SDK2: variants seen among roughly 807,000 people sequenced by gnomAD.
SDK2 encodes the protein protein sidekick-2.
Under a neutral mutation model 253.9 loss-of-function variants are expected in SDK2, and 105 were observed. The ratio of observed to expected loss-of-function variants is 0.41; its 90% CI spans 0.35 to 0.49. The LOEUF is 0.49. SDK2 is among the 20% of genes least tolerant of loss of function. The pLI is 0.06. For synonymous variants in SDK2, 1,249 were observed against 1,234.9 expected, an observed-to-expected ratio of 1.01 and a Z score of -0.24; for missense variants, 2,608 against 3,003.0, an observed-to-expected ratio of 0.87 and a Z score of 3.07.
At chr17:73,358,791 G>A (rs1418698522) in intron 39 of SDK2, among the ~76,000 whole-genome samples, 5 of 152,116 alleles carry the variant, frequency 3.3e-5, no homozygotes, top group Admixed American at 6.5e-5. Context: ...TAGACAAGGG[G>A]AGAGGGGGTT....
intron 1 of SDK2, among the ~76,000 whole-genome samples, chr17:73,627,106 A>AGT (rs1226375493): frequency 6.6e-6 from 1 of 152,168 alleles, no homozygotes; most frequent in Admixed American, 6.5e-5. Context: ...AGTTGCTAGG[A>AGT]TGGTCACCTC....
At chr17:73,605,449 G>C (rs1382318720) in intron 1 of SDK2, among the ~76,000 whole-genome samples, 1 of 152,144 alleles carries the variant, frequency 6.6e-6, no homozygotes, top group African/African-American at 2.4e-5. Context: ...TGGAATCCCG[G>C]AGATTCTCAC....
intron 40 of SDK2, among the ~76,000 whole-genome samples, chr17:73,355,174 A>ATATATT: frequency 2.1e-5 from 1 of 47,224 alleles, no homozygotes; most frequent in Non-Finnish European, 3.4e-5. Context: ...ATATATATAT[A>ATATATT]TTTTTTTTTT....
intron 1 of SDK2, among the ~76,000 whole-genome samples, chr17:73,569,814 C>T (rs545509374): frequency 2.6e-5 from 4 of 152,196 alleles, no homozygotes; most frequent in East Asian, 1.9e-4. Context: ...GTCCTCAGAA[C>T]GGAGCTCCGA....
chr17:73,507,520 A>G lies in SDK2; in HGVS notation c.142T>C (p.Cys48Arg). The change falls in exon 2 of 45, where the codon TGC becomes CGC. Residue 48 changes from cysteine (C) to arginine (R), a missense_variant. Physicochemically the swap from Cys to Arg is radical, Grantham distance 180. This residue lies in a region of SDK2 where 1,505 missense variants were observed against 1,859.1 expected (regional missense o/e 0.81). Transcript: ENST00000392650. ...AGTGGCCAGCTGCCCTCGGCCATGC[A>G]TGTAAGCACCAGGCGGTTTCCTTCC... ...HLEGNRLVLT[C>R]MAEGSWPLEF... 1 of 1,551,670 alleles carries G rather than the reference A, an allele frequency of 6.4e-7. No individual in the cohort carries two copies. Among genetic ancestry groups the G allele is most frequent in the Non-Finnish European group, 8.7e-7 (1 of 1,146,978 alleles).
At chr17:73,631,686 T>C (rs1022596299) in intron 1 of SDK2, among the ~76,000 whole-genome samples, 1 of 152,186 alleles carries the variant, frequency 6.6e-6, no homozygotes, top group African/African-American at 2.4e-5. Flanking sequence ...TCAAGAACAT[T>C]TCCTTAGTGA....
chr17:73,548,898 T>G (rs1246602580), intron 1 of SDK2, among the ~76,000 whole-genome samples: 2 of 152,160 alleles, frequency 1.3e-5, no homozygotes, highest in South Asian at 4.1e-4. Flanking sequence ...CCCCAGTTAC[T>G]CTCTCAGACA....
At chr17:73,640,126 T>G (rs956541509) in intron 1 of SDK2, among the ~76,000 whole-genome samples, 1 of 152,270 alleles carries the variant, frequency 6.6e-6, no homozygotes, top group East Asian at 1.9e-4. Flanking sequence ...TGTAAAGAAT[T>G]TGGCCTCCTT....
At chr17:73,498,446 C>T (rs185202124) in intron 2 of SDK2, among the ~76,000 whole-genome samples, 71 of 152,318 alleles carry the variant, frequency 4.7e-4, no homozygotes, top group Admixed American at 4.1e-3. Context: ...GCAGGGCAGG[C>T]GGGGCTGGCA....
intron 1 of SDK2, among the ~76,000 whole-genome samples, chr17:73,546,036 G>A (rs1305642272): frequency 6.6e-6 from 1 of 152,140 alleles, no homozygotes; most frequent in Non-Finnish European, 1.5e-5. Context: ...AGATGGGACT[G>A]GGGAGGGGCT....
chr17:73,370,419 T>G (rs961639800), intron 36 of SDK2, among the ~76,000 whole-genome samples: 2 of 151,992 alleles, frequency 1.3e-5, no homozygotes, highest in Non-Finnish European at 2.9e-5. Context: ...AGTTTTTAAT[T>G]TTTTGTAGAG....
intron 2 of SDK2, among the ~76,000 whole-genome samples, chr17:73,488,843 C>A (rs1485349065): frequency 6.6e-6 from 1 of 152,088 alleles, no homozygotes; most frequent in Non-Finnish European, 1.5e-5. Context: ...TTGCTGCCCC[C>A]ACTCCATTTC....
chr17:73,607,756 A>T (rs1413489030), intron 1 of SDK2, among the ~76,000 whole-genome samples: 1 of 151,602 alleles, frequency 6.6e-6, no homozygotes, highest in Non-Finnish European at 1.5e-5. Context: ...GATCTCGGGG[A>T]CCTCCTAAGC....
intron 1 of SDK2, among the ~76,000 whole-genome samples, chr17:73,600,135 C>T (rs1056349945): frequency 6.6e-5 from 10 of 152,176 alleles, no homozygotes; most frequent in Non-Finnish European, 1.3e-4. Context: ...GGACCTGGTC[C>T]CAGGTGGCCT....
intron 12 of SDK2, among the ~76,000 whole-genome samples, chr17:73,430,127 G>T (rs545281069): frequency 2.5e-3 from 383 of 152,310 alleles, no homozygotes; most frequent in Admixed American, 4.1e-3. Flanking sequence ...CCAAAGACTT[G>T]GGGTGGGCTG....
At chr17:73,573,895 T>C (rs2045421243) in intron 1 of SDK2, among the ~76,000 whole-genome samples, 1 of 152,178 alleles carries the variant, frequency 6.6e-6, no homozygotes, top group Non-Finnish European at 1.5e-5. Flanking sequence ...AACCCTGCCC[T>C]TTATCCGGGC....
Position 73,387,865 on chromosome 17 carries a change from G to T in SDK2, c.4365C>A (p.Ser1455Arg). The change falls in exon 30 of 45, where the codon AGC (serine) becomes AGA (arginine). Residue 1455 changes from serine to arginine, a missense_variant. This residue lies in a region of SDK2 where 1,103 missense variants were observed against 1,143.9 expected (regional missense o/e 0.96). Coordinates refer to ENST00000392650, the MANE Select transcript of SDK2 (RefSeq NM_001144952.2). ...CCACAATGAAGCTGGAGGCATTGTG[G>T]CTCACGGAGGCCGAGTGCAGTGCCC... The part of the protein sequence containing the change: ...GRWALHSASV[S>R]HNASSFIVDR... 6.3e-7 allele frequency: 1 copy of T among 1,585,798 alleles called. No individual in the cohort carries two copies. Among genetic ancestry groups the T allele is most frequent in the Non-Finnish European group, 8.6e-7 (1 of 1,166,696 alleles).
At chr17:73,400,970 A>G in intron 21 of SDK2, 50 bp downstream of exon 21, 1 of 1,508,316 alleles carries the variant, frequency 6.6e-7, no homozygotes, top group East Asian at 2.5e-5. Context: ...CTTGAATGGG[A>G]CGCTGCTCAG....
At position 73,394,223 on chromosome 17, in the gene SDK2, C is replaced by T. The variant is rs770209140; in HGVS notation, c.3694G>A (p.Val1232Met). ...EVPEADRNGL[V>M]LGYKVMYKEK... ...CCGGGACTCACCTTATAGCCCAGCA[C>T]GAGCCCGTTGCGATCAGCCTCGGGG... Residue 1232 changes from valine (V) to methionine (M), a missense_variant, in exon 26 of 45, where the codon GTG (valine) becomes ATG (methionine). Val to Met is a conservative substitution (Grantham distance 21). Transcript: ENST00000392650. The T allele has an allele frequency of 6.3e-6, 10 of 1,579,954 alleles. No individual in the cohort carries two copies. The highest frequency in any genetic ancestry group is 2.3e-5 in the South Asian group (2 of 85,766).
Sources: allele counts gnomAD v4.1 joint callset (sites outside exome capture counted in the v4.1 genomes callset), GRCh38; gene constraint gnomAD v4.1.1; regional missense constraint gnomAD v4.1.1; transcripts MANE v1.5; gene names NCBI Gene and HGNC (gene_info 2026-07-23, HGNC 2026-07-21).